Variants in NPAS2 observed in about 807,000 individuals in gnomAD.
NPAS2 encodes neuronal PAS domain-containing protein 2.
NPAS2 carries 23 observed loss-of-function variants against 107.5 expected under a neutral mutation model. That is an observed-to-expected ratio of 0.21 (90% CI 0.15 to 0.30). The LOEUF (loss-of-function observed/expected upper bound fraction) is 0.30, where lower values mean the gene tolerates loss of function less well. Among genes scored for constraint, NPAS2 ranks in the 10% least tolerant of loss-of-function variants. NPAS2 has a pLI of 1.00. For missense variants in NPAS2, 756 were observed against 1,043.3 expected (o/e 0.72, Z 3.79); for synonymous variants, 403 against 417.5 (o/e 0.97, Z 0.42).
chr2:100,937,319 G>A (rs1684388682), intron 4 of NPAS2, among the ~76,000 whole-genome samples: 1 of 152,194 alleles, frequency 6.6e-6, no homozygotes, highest in African/African-American at 2.4e-5. Context: ...GCATCTGTTA[G>A]GTCTGATACC....
chr2:100,858,336 C>T (rs1678713800), intron 1 of NPAS2, among the ~76,000 whole-genome samples: 1 of 152,222 alleles, frequency 6.6e-6, no homozygotes, highest in Admixed American at 6.5e-5. Context: ...GAATTCGAGT[C>T]TCTTGCCCTT....
At chr2:100,936,236 G>T (rs1684290558) in intron 4 of NPAS2, among the ~76,000 whole-genome samples, 1 of 152,134 alleles carries the variant, frequency 6.6e-6, no homozygotes, top group African/African-American at 2.4e-5. Flanking sequence ...GCCTCTTCCG[G>T]GTTCCCGCTG....
intron 1 of NPAS2, among the ~76,000 whole-genome samples, chr2:100,863,341 T>C (rs1679056487): frequency 6.6e-6 from 1 of 152,188 alleles, no homozygotes; most frequent in African/African-American, 2.4e-5. Flanking sequence ...GGTTGATTAG[T>C]TGGTTGGTTG....
intron 1 of NPAS2, among the ~76,000 whole-genome samples, chr2:100,900,077 CATAAA>C (rs1681673321): frequency 6.6e-6 from 1 of 152,050 alleles, no homozygotes; most frequent in Non-Finnish European, 1.5e-5. Context: ...AATCGCTAAC[CATAAA>C]ATAAAAGGTT....
At position 100,990,875 on chromosome 2, in the gene NPAS2, AC is replaced by A; in HGVS notation, c.2111+4del. 6.2e-7 allele frequency: 1 copy of A among 1,613,842 alleles called. No homozygotes were observed. Among genetic ancestry groups the A allele is most frequent in the Non-Finnish European group, 8.5e-7 (1 of 1,179,746 alleles). On this transcript the variant is annotated splice_donor_region_variant and intron_variant, in intron 19 of 20. Transcript: ENST00000335681. ...AGCAGGACGGGACGGCAAGTCAAGTACGTGGACCCTGGCGGGAGGCAGGAGG... is the reference window on the plus strand; with the variant it reads ...AGCAGGACGGGACGGCAAGTCAAGTAGTGGACCCTGGCGGGAGGCAGGAGG...
At chr2:100,961,054 G>A (rs1422366872) in intron 7 of NPAS2, among the ~76,000 whole-genome samples, 1 of 152,172 alleles carries the variant, frequency 6.6e-6, no homozygotes, top group Non-Finnish European at 1.5e-5. Context: ...TCAGAGATCT[G>A]AGCAAACAGG....
rs1678411448 is a variant in NPAS2 at position 100,995,695 on chromosome 2, C to T, written c.*113C>T. ...AAACCCCTGGCTTTTGTGCACACTG[C>T]ATACGTTTCAGAACTCCTGGATGGT... On this transcript the variant is annotated 3_prime_UTR_variant, in exon 21 of 21. Transcript: ENST00000335681. 6.5e-7 allele frequency: 1 copy of T among 1,549,606 alleles called. No homozygotes were observed.
chr2:100,923,362 G>A (rs541410000), intron 2 of NPAS2, among the ~76,000 whole-genome samples: 158 of 152,296 alleles, frequency 1.0e-3, no homozygotes, highest in Middle Eastern at 3.4e-3. Flanking sequence ...AGATAGGACC[G>A]GTAAAAGATG....
intron 1 of NPAS2, among the ~76,000 whole-genome samples, chr2:100,867,143 G>A (rs564912455): frequency 3.9e-5 from 6 of 152,096 alleles, no homozygotes; most frequent in South Asian, 2.1e-4. Flanking sequence ...TGTTTGTTGC[G>A]TGCTTGAAGA....
In NPAS2 at chr2:100,904,713, T is replaced by C. The variant is rs776120302; in HGVS notation, c.-22-20T>C. The C allele has an allele frequency of 1.2e-5, 2 of 171,532 alleles. No homozygotes were observed. Among genetic ancestry groups the C allele is most frequent in the African/African-American group, 1.2e-4 (2 of 16,788 alleles). The allele number at this position is 171,532 out of a possible 1,614,324, so 10.6% of individuals were successfully genotyped here. On this transcript the variant is annotated intron_variant, in intron 1 of 20. Transcript: ENST00000335681. ...ACAGTAATTATCCATTCTTTTTAAT[T>C]TTTTTTTTTTTTTTTGCAGGAAAAA... is the stretch of plus-strand genomic sequence containing the variant.
At chr2:100,828,321 A>G (rs1676515396) in intron 1 of NPAS2, among the ~76,000 whole-genome samples, 2 of 152,062 alleles carry the variant, frequency 1.3e-5, no homozygotes, top group African/African-American at 4.8e-5. Context: ...TGTTGAATGA[A>G]TAGTTTGTAA....
chr2:100,993,610 T>G, intron 20 of NPAS2, 83 bp downstream of exon 20: 1 of 1,088,938 alleles, frequency 9.2e-7, no homozygotes, highest in Non-Finnish European at 1.3e-6. Flanking sequence ...AGATATTTTA[T>G]TCCCTTGCTT....
At chr2:100,873,269 AAAATACATATATATATAT>A (rs1411833184) in intron 1 of NPAS2, among the ~76,000 whole-genome samples, 2 of 75,688 alleles carry the variant, frequency 2.6e-5, no homozygotes, top group African/African-American at 1.3e-4. Context: ...AAAAAAAAAA[AAAATACATATATATATAT>A]ATATATATAT....
chr2:100,909,360 A>T (rs1682379776), intron 2 of NPAS2, among the ~76,000 whole-genome samples: 1 of 152,216 alleles, frequency 6.6e-6, no homozygotes, highest in African/African-American at 2.4e-5. Flanking sequence ...TGTAAACTCA[A>T]CCCTTTCAGC....
chr2:100,964,296 A>C, intron 8 of NPAS2, 120 bp downstream of exon 8: 1 of 758,712 alleles, frequency 1.3e-6, no homozygotes, highest in South Asian at 1.6e-5. Flanking sequence ...ACTGGCTTTG[A>C]AAATCGAAGT....
rs113729473 is a variant in NPAS2 at position 100,925,442 on chromosome 2, A to T, written c.181+148A>T. On this transcript the variant is annotated intron_variant, in intron 3 of 20. Coordinates refer to ENST00000335681, the MANE Select transcript of NPAS2 (RefSeq NM_002518.4). Reference sequence around the variant, plus strand: ...GGGCTTCCCATTGTAAAGACACTCCACCCTCTATCAGCCCGTCTCTGGCTG... The same window carrying T: ...GGGCTTCCCATTGTAAAGACACTCCTCCCTCTATCAGCCCGTCTCTGGCTG... The T allele has an allele frequency of 2.0e-3, 1,481 of 753,456 alleles. 20 individuals carry two copies. In the African/African-American group the frequency reaches 0.023, roughly 12 times the overall value. The allele number at this position is 753,456 out of a possible 1,614,324, so 46.7% of individuals were successfully genotyped here. A position where few individuals can be genotyped will look rare whatever the true frequency, so the allele number is the denominator to read the frequency against.
chr2:100,893,044 T>C (rs1339427596), intron 1 of NPAS2, among the ~76,000 whole-genome samples: 2 of 152,190 alleles, frequency 1.3e-5, no homozygotes, highest in African/African-American at 4.8e-5. Context: ...TCTCACTGAA[T>C]GAATCATTGC....
At chr2:100,975,308 G>A in intron 13 of NPAS2, 150 bp from the exon 14 acceptor site, 1 of 717,320 alleles carries the variant, frequency 1.4e-6, no homozygotes, top group South Asian at 1.9e-5. Flanking sequence ...GGGCTTCTGT[G>A]GTTCAGCTCA....
chr2:100,882,120 T>G (rs1403423695), intron 1 of NPAS2, among the ~76,000 whole-genome samples: 3 of 152,146 alleles, frequency 2.0e-5, no homozygotes, highest in African/African-American at 7.2e-5. Context: ...AATTATAGAT[T>G]CAAAGGAAGT....
Sources: gnomAD v4.1 joint callset for allele counts (sites outside exome capture counted in the v4.1 genomes callset) on GRCh38, gnomAD v4.1.1 for gene constraint, MANE v1.5 for transcripts, NCBI Gene and HGNC (gene_info 2026-07-23, HGNC 2026-07-21) for gene names.